Variants in AKT3 observed in about 807,000 individuals in gnomAD.
AKT3 encodes the protein RAC-gamma serine/threonine-protein kinase.
Under a neutral mutation model 65.3 loss-of-function variants are expected in AKT3, and 15 were observed. That is an observed-to-expected ratio of 0.23 (90% CI 0.15 to 0.35). The LOEUF (loss-of-function observed/expected upper bound fraction) is 0.35, where lower values mean the gene tolerates loss of function less well. Ranked by LOEUF, AKT3 falls within the 10% of genes least tolerant of loss-of-function variation. The probability of loss-of-function intolerance (pLI) is 1.00; values close to 1 mark genes in which losing one functional copy is unlikely to be tolerated. For synonymous variants in AKT3, 206 were observed against 183.8 expected, an observed-to-expected ratio of 1.12 and a Z score of -0.98; for missense variants, 243 against 576.5, an observed-to-expected ratio of 0.42 and a Z score of 5.92.
intron 2 of AKT3, among the ~76,000 whole-genome samples, chr1:243,744,944 G>C (rs929478615): frequency 1.3e-5 from 2 of 151,674 alleles, no homozygotes; most frequent in Admixed American, 1.3e-4. Flanking sequence ...AAAAAAAATT[G>C]TTTTAATTTC....
At chr1:243,707,586 A>C (rs1685881977) in intron 2 of AKT3, among the ~76,000 whole-genome samples, 1 of 152,196 alleles carries the variant, frequency 6.6e-6, no homozygotes, top group East Asian at 1.9e-4. Flanking sequence ...AAAAGAAAAA[A>C]GGACACAACT....
At chr1:243,695,380 A>T (rs924547021) in intron 3 of AKT3, among the ~76,000 whole-genome samples, 1 of 151,972 alleles carries the variant, frequency 6.6e-6, no homozygotes, top group Admixed American at 6.6e-5. Flanking sequence ...AGTTCTACAT[A>T]AAAATATTAA....
At chr1:243,754,882 C>T (rs1028054919) in intron 2 of AKT3, among the ~76,000 whole-genome samples, 3 of 152,088 alleles carry the variant, frequency 2.0e-5, no homozygotes, top group Non-Finnish European at 4.4e-5. Context: ...CATCTTATAG[C>T]GCACAGGACA....
chr1:243,830,446 T>G (rs770091242), intron 2 of AKT3, among the ~76,000 whole-genome samples: 3 of 152,020 alleles, frequency 2.0e-5, no homozygotes, highest in Non-Finnish European at 4.4e-5. Flanking sequence ...TAATAAAGAA[T>G]TGAGAGCACT....
intron 8 of AKT3, among the ~76,000 whole-genome samples, chr1:243,585,270 G>A (rs1241871943): frequency 1.3e-5 from 2 of 151,938 alleles, no homozygotes; most frequent in African/African-American, 2.4e-5. Flanking sequence ...CCATGCTCAG[G>A]GACTGGAAGA....
At chr1:243,512,588 G>A (rs1574509979) in intron 12 of AKT3, among the ~76,000 whole-genome samples, 162 bp from the exon 13 acceptor site, 1 of 152,278 alleles carries the variant, frequency 6.6e-6, no homozygotes, top group South Asian at 2.1e-4. Context: ...CCAGTCAACA[G>A]TCTAAACCAA....
At chr1:243,662,834 T>C (rs939071421) in intron 4 of AKT3, among the ~76,000 whole-genome samples, 3 of 152,196 alleles carry the variant, frequency 2.0e-5, no homozygotes, top group Non-Finnish European at 4.4e-5. Context: ...CTGTTTTTCA[T>C]TTGTATTAAT....
intron 6 of AKT3, among the ~76,000 whole-genome samples, chr1:243,629,884 C>T (rs1037070266): frequency 5.9e-5 from 9 of 152,166 alleles, no homozygotes; most frequent in Admixed American, 3.9e-4. Context: ...CCCTCTGATG[C>T]ACAAAATTCC....
intron 12 of AKT3, among the ~76,000 whole-genome samples, chr1:243,531,339 C>T (rs1306928848): frequency 2.6e-5 from 4 of 152,158 alleles, no homozygotes; most frequent in African/African-American, 9.7e-5. Flanking sequence ...ACCTTGGCCT[C>T]CCAAAATGCT....
intron 8 of AKT3, among the ~76,000 whole-genome samples, chr1:243,585,972 T>A (rs1675770506): frequency 2.0e-5 from 3 of 152,064 alleles, no homozygotes; most frequent in Admixed American, 6.5e-5. Context: ...AAAATATTCA[T>A]AAACTATCTG....
rs1387206186 is a variant in AKT3 at position 243,556,669 on chromosome 1, C to CA, written c.949-3727dup. Among the ~76,000 whole-genome samples the CA allele has an allele frequency of 6.0e-5, 9 of 150,924 alleles. No homozygotes were observed. In the South Asian group the frequency reaches 1.0e-3, roughly 17 times the overall value. The stretch of plus-strand genomic sequence containing the variant: ...TGGATGAACCAATTTACCACTAATT[C>CA]AAAAAAAAAGTTTTTTCTGGTAGCC... On this transcript the variant is annotated intron_variant, in intron 10 of 13. Coordinates refer to ENST00000673466, the MANE Select transcript of AKT3 (RefSeq NM_005465.7).
intron 8 of AKT3, among the ~76,000 whole-genome samples, chr1:243,600,719 A>G (rs2148573843): frequency 6.6e-6 from 1 of 152,320 alleles, no homozygotes; most frequent in African/African-American, 2.4e-5. Flanking sequence ...AGAAGAAAGC[A>G]TAAAAGAAAA....
At chr1:243,520,514 A>G (rs529689824) in intron 12 of AKT3, among the ~76,000 whole-genome samples, 1 of 152,320 alleles carries the variant, frequency 6.6e-6, no homozygotes, top group African/African-American at 2.4e-5. Context: ...CTCTCAAAAC[A>G]TTTCTGTCAA....
intron 2 of AKT3, among the ~76,000 whole-genome samples, chr1:243,792,469 A>G (rs1691691971): frequency 6.6e-6 from 1 of 152,178 alleles, no homozygotes; most frequent in Non-Finnish European, 1.5e-5. Flanking sequence ...ATGAAAAGGG[A>G]AAAATATACC....
intron 2 of AKT3, among the ~76,000 whole-genome samples, chr1:243,718,748 C>A (rs1686682140): frequency 6.6e-6 from 1 of 152,116 alleles, no homozygotes; most frequent in African/African-American, 2.4e-5. Flanking sequence ...GCTGGGATTA[C>A]AGGCATGAGC....
At chr1:243,596,395 A>C (rs1676619684) in intron 8 of AKT3, among the ~76,000 whole-genome samples, 1 of 152,234 alleles carries the variant, frequency 6.6e-6, no homozygotes, top group Non-Finnish European at 1.5e-5. Flanking sequence ...CCTATAATTC[A>C]GTAAGAAGAT....
intron 4 of AKT3, among the ~76,000 whole-genome samples, chr1:243,651,693 C>T (rs1338885845): frequency 6.6e-6 from 1 of 152,076 alleles, no homozygotes; most frequent in Non-Finnish European, 1.5e-5. Context: ...TGATGGATTA[C>T]GTTTATTGAT....
At chr1:243,580,736 G>A (rs1160230470) in intron 8 of AKT3, among the ~76,000 whole-genome samples, 3 of 152,132 alleles carry the variant, frequency 2.0e-5, no homozygotes, top group East Asian at 1.9e-4. Flanking sequence ...TGCCATTGCC[G>A]GGTAACCCAC....
At chr1:243,630,358 C>G (rs1679516406) in intron 6 of AKT3, among the ~76,000 whole-genome samples, 1 of 152,154 alleles carries the variant, frequency 6.6e-6, no homozygotes, top group Admixed American at 6.5e-5. Context: ...CACCCTGGGG[C>G]AAAATTCCTC....
Sources: gnomAD v4.1 joint callset for allele counts (sites outside exome capture counted in the v4.1 genomes callset) on GRCh38, gnomAD v4.1.1 for gene constraint, MANE v1.5 for transcripts, NCBI Gene and HGNC (gene_info 2026-07-23, HGNC 2026-07-21) for gene names.